GUCY1A2: variants seen among roughly 807,000 people sequenced by gnomAD.
GUCY1A2 encodes the protein guanylate cyclase 1 soluble subunit alpha 2, also known as guanylate cyclase soluble subunit alpha-2.
Under a neutral mutation model 63.5 loss-of-function variants are expected in GUCY1A2, and 27 were observed. The observed-to-expected ratio is 0.43, with a 90% CI of 0.31 to 0.59. The LOEUF is 0.59. Ranked by LOEUF, GUCY1A2 falls within the 20% of genes least tolerant of loss-of-function variation. The probability of loss-of-function intolerance (pLI) is 0.11; values close to 1 mark genes in which losing one functional copy is unlikely to be tolerated. For synonymous variants in GUCY1A2, 364 were observed against 343.5 expected, an observed-to-expected ratio of 1.06 and a Z score of -0.66; for missense variants, 768 against 913.3, an observed-to-expected ratio of 0.84 and a Z score of 2.05.
At chr11:106,699,066 A>G (rs1157576905) in intron 7 of GUCY1A2, among the ~76,000 whole-genome samples, 1 of 152,204 alleles carries the variant, frequency 6.6e-6, no homozygotes, top group African/African-American at 2.4e-5. Flanking sequence ...ACTTTTATCT[A>G]TGTTCTACCT....
At chr11:106,830,841 G>C (rs1278667480) in intron 4 of GUCY1A2, among the ~76,000 whole-genome samples, 1 of 152,070 alleles carries the variant, frequency 6.6e-6, no homozygotes, top group African/African-American at 2.4e-5. Context: ...CAAAAGCATA[G>C]GCCAGTACCC....
intron 4 of GUCY1A2, among the ~76,000 whole-genome samples, chr11:106,850,601 G>A (rs1033379331): frequency 5.9e-5 from 9 of 151,752 alleles, no homozygotes; most frequent in African/African-American, 1.9e-4. Flanking sequence ...ACAACATGTG[G>A]TTATTGATCT....
chr11:106,902,268 C>T (rs1455721889), intron 4 of GUCY1A2, among the ~76,000 whole-genome samples: 4 of 152,148 alleles, frequency 2.6e-5, no homozygotes, highest in Non-Finnish European at 5.9e-5. Context: ...ATTCAGTAAA[C>T]CATGCTGTAA....
intron 6 of GUCY1A2, among the ~76,000 whole-genome samples, chr11:106,750,391 C>T (rs1242697295): frequency 6.6e-6 from 1 of 152,032 alleles, no homozygotes; most frequent in East Asian, 1.9e-4. Flanking sequence ...TCTGGCAATA[C>T]CCTCACAAAC....
Position 106,939,870 on chromosome 11 carries a change from C to T in GUCY1A2, c.796G>A (p.Val266Met). 3 of 1,614,206 alleles carry T rather than the reference C, an allele frequency of 1.9e-6. No individual in the cohort carries two copies. The highest frequency in any genetic ancestry group is 1.7e-6 in the Non-Finnish European group (2 of 1,180,008). The change falls in exon 4 of 8, where the codon GTG (valine) becomes ATG (methionine). Residue 266 changes from valine (V) to methionine (M), a missense_variant. Transcript: ENST00000526355. ...TCATTTGCAACCTGTTCCACTTCCA[C>T]ATCCAGCCGATAGATCTTCTTTCCT... ...AAGKKIYRLDVEVEQVANEKL... is the reference protein window; with the variant it reads ...AAGKKIYRLDMEVEQVANEKL...
intron 4 of GUCY1A2, among the ~76,000 whole-genome samples, chr11:106,927,239 G>A (rs1860537309): frequency 6.6e-6 from 1 of 151,496 alleles, no homozygotes; most frequent in African/African-American, 2.4e-5. Context: ...CAGGCGTGGT[G>A]GCGGGCGCCT....
chr11:106,958,224 C>T lies in GUCY1A2; in HGVS notation c.488-18046G>A, dbSNP rs117508244. Among the ~76,000 whole-genome samples, 698 of 152,192 alleles carry T rather than the reference C, an allele frequency of 4.6e-3. 1 individual carries two copies. The highest frequency in any genetic ancestry group is 7.7e-3 in the Non-Finnish European group (522 of 68,022). ...TTTAGTATAACATTGATTCATGAAG[C>T]CATCAAGTACATGAGAACTTGACTG... is the stretch of plus-strand genomic sequence containing the variant. On this transcript the variant is annotated intron_variant, in intron 3 of 7. Coordinates refer to ENST00000526355, the MANE Select transcript of GUCY1A2 (RefSeq NM_000855.3).
intron 4 of GUCY1A2, among the ~76,000 whole-genome samples, chr11:106,814,086 A>G (rs768835522): frequency 2.6e-5 from 4 of 152,104 alleles, no homozygotes; most frequent in Non-Finnish European, 4.4e-5. Context: ...AGCAATTACA[A>G]TTTTAAATAT....
intron 1 of GUCY1A2, among the ~76,000 whole-genome samples, chr11:106,989,863 C>T (rs549490081): frequency 3.9e-5 from 6 of 152,236 alleles, no homozygotes; most frequent in Middle Eastern, 6.8e-3. Context: ...TGAGTAGGAA[C>T]GACACTGAAA....
intron 4 of GUCY1A2, among the ~76,000 whole-genome samples, chr11:106,815,973 T>C (rs376117504): frequency 2.2e-4 from 34 of 152,124 alleles, no homozygotes; most frequent in African/African-American, 8.2e-4. Flanking sequence ...ACACTTTGAC[T>C]TCTGGCATGC....
chr11:106,771,619 C>G (rs142362660), intron 6 of GUCY1A2, among the ~76,000 whole-genome samples: 372 of 151,896 alleles, frequency 2.4e-3, no homozygotes, highest in African/African-American at 8.7e-3. Context: ...AGGTGTGGTT[C>G]CACATGTTTG....
chr11:106,893,974 AG>A (rs1411189568), intron 4 of GUCY1A2, among the ~76,000 whole-genome samples: 2 of 152,202 alleles, frequency 1.3e-5, no homozygotes, highest in African/African-American at 2.4e-5. Context: ...CCACAAGGGA[AG>A]GGGGAAAAGA....
chr11:106,755,520 G>T (rs1342225985), intron 6 of GUCY1A2, among the ~76,000 whole-genome samples: 2 of 152,140 alleles, frequency 1.3e-5, no homozygotes, highest in Non-Finnish European at 2.9e-5. Flanking sequence ...TGCTTTAAAT[G>T]TGTCCCAGTG....
intron 3 of GUCY1A2, among the ~76,000 whole-genome samples, chr11:106,965,455 G>A (rs1207242350): frequency 1.3e-5 from 2 of 152,154 alleles, no homozygotes; most frequent in African/African-American, 4.8e-5. Flanking sequence ...AGGCATATAT[G>A]TGTATGTGTG....
At chr11:106,837,707 G>A (rs1210793949) in intron 4 of GUCY1A2, among the ~76,000 whole-genome samples, 3 of 151,814 alleles carry the variant, frequency 2.0e-5, no homozygotes, top group African/African-American at 7.3e-5. Flanking sequence ...CTATATAAGT[G>A]AACCCACACA....
At position 106,687,210 on chromosome 11, in the gene GUCY1A2, A is replaced by G. The variant is rs1024457015; in HGVS notation, c.*339T>C. 3.8e-6 allele frequency: 1 copy of G among 262,916 alleles called. No homozygotes were observed. The highest frequency in any genetic ancestry group is 7.3e-6 in the Non-Finnish European group (1 of 136,952). 16.3% of individuals were successfully genotyped at this position (262,916 alleles called of 1,614,324 possible). A position where few individuals can be genotyped will look rare whatever the true frequency, so the allele number is the denominator to read the frequency against. On this transcript the variant is annotated 3_prime_UTR_variant, in exon 8 of 8. Coordinates refer to ENST00000526355, the MANE Select transcript of GUCY1A2 (RefSeq NM_000855.3). ...GCTCTCAAAAGTGGTACAAATATAT[A>G]GGGAAAGATACTTGTATGTGTGATA...
intron 7 of GUCY1A2, among the ~76,000 whole-genome samples, chr11:106,704,562 C>T (rs1271351144): frequency 6.6e-6 from 1 of 152,204 alleles, no homozygotes; most frequent in East Asian, 1.9e-4. Flanking sequence ...AGAAAGAAGC[C>T]TTTCACAGTC....
At chr11:106,807,186 T>C (rs1047643135) in intron 5 of GUCY1A2, among the ~76,000 whole-genome samples, 5 of 152,194 alleles carry the variant, frequency 3.3e-5, no homozygotes, top group African/African-American at 1.2e-4. Flanking sequence ...GCAAAACTCT[T>C]TTCATTTCAT....
intron 6 of GUCY1A2, among the ~76,000 whole-genome samples, chr11:106,748,291 C>CAATA (rs3042499): frequency 0.51 from 77,315 of 151,514 alleles, 21,293 homozygotes; most frequent in African/African-American, 0.73. Context: ...ACTGTCAAAA[C>CAATA]AACCTGAAAC....
Sources: allele counts gnomAD v4.1 joint callset (sites outside exome capture counted in the v4.1 genomes callset), GRCh38; gene constraint gnomAD v4.1.1; transcripts MANE v1.5; gene names NCBI Gene and HGNC (gene_info 2026-07-23, HGNC 2026-07-21).